FANCI: variants seen among roughly 807,000 people sequenced by gnomAD.
The protein encoded by FANCI is Fanconi anemia group I protein.
A neutral mutation model predicts 176.1 loss-of-function variants in FANCI; 156 were observed. The ratio of observed to expected loss-of-function variants is 0.89; its 90% CI spans 0.78 to 1.01. FANCI has a LOEUF of 1.01. FANCI is among the 50% of genes least tolerant of loss of function. FANCI has a pLI of 0.00. For synonymous variants in FANCI, 613 were observed against 541.7 expected (o/e 1.13, Z -1.83); for missense variants, 1,678 against 1,534.1 (o/e 1.09, Z -1.57).
intron 19 of FANCI, chr15:89,290,567 G>A: frequency 2.7e-6 from 1 of 369,486 alleles, no homozygotes; most frequent in Non-Finnish European, 5.0e-6. Context: ...CATTGCAACT[G>A]TATCCATTAT....
chr15:89,302,831 C>T (rs953041288), intron 27 of FANCI, among the ~76,000 whole-genome samples: 2 of 152,124 alleles, frequency 1.3e-5, no homozygotes, highest in African/African-American at 2.4e-5. Context: ...CCTCGGCCTC[C>T]CAAAGTGCTG....
chr15:89,307,704 C>T, intron 34 of FANCI, 32 bp downstream of exon 34: 1 of 1,614,092 alleles, frequency 6.2e-7, no homozygotes, highest in Non-Finnish European at 8.5e-7. Context: ...CCCAATAGGT[C>T]TTCAAGAAAG....
rs1294973649 is a variant in FANCI, at chr15:89,301,445, A to G, written c.3006+3A>G. ...TACTGGAGCCCTCCTCTCCTCAGGT[A>G]CTAGTACCGCTAACTTAATCCCATT... On this transcript the variant is annotated splice_donor_region_variant and intron_variant, in intron 27 of 37. Coordinates refer to ENST00000310775, the MANE Select transcript of FANCI (RefSeq NM_001113378.2). The G allele has an allele frequency of 1.1e-5, 17 of 1,592,588 alleles. No homozygotes were observed. The highest frequency in any genetic ancestry group is 1.5e-5 in the Non-Finnish European group (17 of 1,160,422).
At position 89,314,847 on chromosome 15, in the gene FANCI, C is replaced by A. The variant is rs1198376287; in HGVS notation, c.3816+140C>A. 1.4e-3 allele frequency: 773 copies of A among 535,786 alleles called. 9 individuals are homozygous for A. The highest frequency in any genetic ancestry group is 1.6e-3 in the Non-Finnish European group (491 of 307,858). The allele number at this position is 535,786 out of a possible 1,614,324, so 33.2% of individuals were successfully genotyped here. On this transcript the variant is annotated intron_variant, in intron 36 of 37. Coordinates refer to ENST00000310775, the MANE Select transcript of FANCI (RefSeq NM_001113378.2). The stretch of plus-strand genomic sequence containing the variant: ...TGCCATCCCCCCTCTCCCCCCCCCC[C>A]CCTTTTTTTTTTTGAGACTGTGTCT...
At position 89,299,858 on chromosome 15, in the gene FANCI, G is replaced by A. The variant is rs756920651; in HGVS notation, c.2695G>A (p.Glu899Lys). The A allele has an allele frequency of 1.2e-6, 2 of 1,614,094 alleles. No individual in the cohort carries two copies. The highest frequency in any genetic ancestry group is 2.2e-5 in the South Asian group (2 of 91,070). Residue 899 changes from glutamate to lysine, a missense_variant, in exon 25 of 38, where the codon GAG becomes AAG. Physicochemically the swap from Glu to Lys is moderately conservative, Grantham distance 56. This residue lies in a region of FANCI where 1,204 missense variants were observed against 1,077.4 expected (regional missense o/e 1.12). Transcript: ENST00000310775. Reference protein sequence around the residue: ...PTSVEESGKKEKGKSISLLCL... With the variant: ...PTSVEESGKKKKGKSISLLCL... ...TTCAGTGGAAGAGTCGGGAAAGAAA[G>A]AGAAAGGAAAGAGCATCTCACTGCT... is the stretch of plus-strand genomic sequence containing the variant.
intron 34 of FANCI, chr15:89,308,197 G>C: frequency 2.9e-6 from 3 of 1,022,066 alleles, no homozygotes; most frequent in Non-Finnish European, 3.5e-6. Flanking sequence ...TTGACATGTT[G>C]CGCTAGATAA....
At position 89,296,655 on chromosome 15, in the gene FANCI, T is replaced by G. The variant is rs559986880; in HGVS notation, c.2636+1561T>G. 2.7e-3 allele frequency among the ~76,000 whole-genome samples: 411 copies of G among 152,234 alleles called. 2 individuals are homozygous for G. The highest frequency in any genetic ancestry group is 9.0e-3 in the African/African-American group (372 of 41,558). ...ATCTTTTCCCCACCTTTCCCCCCTT[T>G]CTATTCCACAAAACCGCCATTGTCA... On this transcript the variant is annotated intron_variant, in intron 24 of 37. Transcript: ENST00000310775.
chr15:89,252,053 G>A (rs1246945931), intron 2 of FANCI, among the ~76,000 whole-genome samples: 2 of 152,124 alleles, frequency 1.3e-5, no homozygotes, highest in African/African-American at 2.4e-5. Context: ...TAATCCCAAC[G>A]CTTTGGGAGG....
intron 2 of FANCI, among the ~76,000 whole-genome samples, chr15:89,252,854 G>A (rs569270831): frequency 6.6e-6 from 1 of 152,304 alleles, no homozygotes; most frequent in South Asian, 2.1e-4. Context: ...GTTCTTGATT[G>A]GGGAGTCTCA....
chr15:89,314,647 C>G lies in FANCI; in HGVS notation c.3756C>G (p.Asn1252Lys), dbSNP rs754380252. The G allele has an allele frequency of 6.2e-7, 1 of 1,614,076 alleles. No individual in the cohort carries two copies. Among genetic ancestry groups the G allele is most frequent in the African/African-American group, 1.3e-5 (1 of 74,934 alleles). Residue 1252 changes from asparagine (N) to lysine (K), a missense_variant, in exon 36 of 38, where the codon AAC becomes AAG. By Grantham distance (94) the Asn-to-Lys change is moderately conservative (BLOSUM62 0). This residue lies in a region of FANCI where 1,204 missense variants were observed against 1,077.4 expected (regional missense o/e 1.12). Transcript: ENST00000310775. ...RVLRETKPIPNLIFAIEQYEK... is the reference protein window; with the variant it reads ...RVLRETKPIPKLIFAIEQYEK... ...TTCGGGAAACCAAGCCAATCCCTAACCTCATCTTTGCCATAGAACAGTATG... is the reference window on the plus strand; with the variant it reads ...TTCGGGAAACCAAGCCAATCCCTAAGCTCATCTTTGCCATAGAACAGTATG...
At chr15:89,314,483 C>CAAGTAT (rs1321677970) in intron 35 of FANCI, 129 bp from the exon 36 acceptor site, 1 of 750,984 alleles carries the variant, frequency 1.3e-6, no homozygotes, top group African/African-American at 1.7e-5. Flanking sequence ...TACTGGTATA[C>CAAGTAT]AACTGCATTT....
chr15:89,281,678 G>A, intron 15 of FANCI, 87 bp from the exon 16 acceptor site: 1 of 1,210,360 alleles, frequency 8.3e-7, no homozygotes, highest in Non-Finnish European at 1.2e-6. Flanking sequence ...CTTCCTTATA[G>A]AAGCCATATG....
In FANCI at chr15:89,303,910, G is replaced by A. The variant is rs773696866; in HGVS notation, c.3053G>A (p.Ser1018Asn). 77 of 1,613,834 alleles carry A rather than the reference G, an allele frequency of 4.8e-5. No homozygotes were observed. Among genetic ancestry groups the A allele is most frequent in the Non-Finnish European group, 6.3e-5 (74 of 1,179,818 alleles). ...SWTSKICKEN[S>N]REDALFCKSL... Reference sequence around the variant, plus strand: ...ACATCAAAGATTTGCAAGGAAAACAGCCGGGGTAAGTTTACTGCCATGTTT... The same window carrying A: ...ACATCAAAGATTTGCAAGGAAAACAACCGGGGTAAGTTTACTGCCATGTTT... The change falls in exon 28 of 38, where the codon AGC becomes AAC. Residue 1018 changes from serine (S) to asparagine (N), a missense_variant. Physicochemically the swap from Ser to Asn is conservative, Grantham distance 46. Around this residue, in one of 3 missense-constraint regions of FANCI, gnomAD observed 1,204 missense variants for 1,077.4 expected, o/e 1.12. Coordinates refer to ENST00000310775, the MANE Select transcript of FANCI (RefSeq NM_001113378.2).
intron 4 of FANCI, among the ~76,000 whole-genome samples, chr15:89,261,045 C>A (rs919912960): frequency 2.0e-5 from 3 of 152,104 alleles, no homozygotes; most frequent in African/African-American, 7.2e-5. Context: ...GTGAGGATCG[C>A]TTGAGCTCAG....
chr15:89,316,534 C>T lies in FANCI; in HGVS notation c.*75C>T. On this transcript the variant is annotated 3_prime_UTR_variant, in exon 38 of 38. Transcript: ENST00000310775. The stretch of plus-strand genomic sequence containing the variant: ...CCCAACAAGCAACAATGCCCCTTGT[C>T]CTGTAGTCCACACCGATGTTGGCAT... 1 of 1,432,816 alleles carries T rather than the reference C, an allele frequency of 7.0e-7. No individual in the cohort carries two copies. The highest frequency in any genetic ancestry group is 9.7e-7 in the Non-Finnish European group (1 of 1,033,642). 88.8% of individuals were successfully genotyped at this position (1,432,816 alleles called of 1,614,324 possible). A position where few individuals can be genotyped will look rare whatever the true frequency, so the allele number is the denominator to read the frequency against.
intron 6 of FANCI, among the ~76,000 whole-genome samples, chr15:89,262,220 CCTG>C (rs1030187162): frequency 1.4e-4 from 22 of 151,970 alleles, no homozygotes; most frequent in African/African-American, 5.1e-4. Flanking sequence ...GGAAAGTCAC[CCTG>C]CTGCTGCATC....
intron 2 of FANCI, 78 bp downstream of exon 2, chr15:89,247,809 A>G: frequency 8.5e-7 from 1 of 1,170,274 alleles, no homozygotes; most frequent in South Asian, 1.2e-5. Context: ...TGAGAAAGAA[A>G]AATTACGCTG....
At chr15:89,289,011 A>G (rs552224993) in intron 18 of FANCI, among the ~76,000 whole-genome samples, 251 of 151,338 alleles carry the variant, frequency 1.7e-3, no homozygotes, top group African/African-American at 5.7e-3. Context: ...ATTTTCTTTG[A>G]GGTTTTTTTT....
chr15:89,283,952 T>C (rs1437486550), intron 17 of FANCI, among the ~76,000 whole-genome samples: 1 of 151,928 alleles, frequency 6.6e-6, no homozygotes, highest in Admixed American at 6.6e-5. Flanking sequence ...TTAGTAGAGA[T>C]GGGGTTTCAT....
Sources: gnomAD v4.1 joint callset for allele counts (sites outside exome capture counted in the v4.1 genomes callset) on GRCh38, gnomAD v4.1.1 for gene constraint, gnomAD v4.1.1 regional missense constraint, MANE v1.5 for transcripts, NCBI Gene and HGNC (gene_info 2026-07-23, HGNC 2026-07-21) for gene names.